OR2V2: variants seen among roughly 807,000 people sequenced by gnomAD.
OR2V2 encodes olfactory receptor family 2 subfamily V member 2.
For synonymous variants in OR2V2, 161 were observed against 151.3 expected (o/e 1.06, Z -0.47); for missense variants, 392 against 392.2 (o/e 1.00, Z 0.00).
chr5:181,148,947 A>G (rs1763160120), intron 1 of OR2V2, among the ~76,000 whole-genome samples: 2 of 152,206 alleles, frequency 1.3e-5, no homozygotes, highest in African/African-American at 4.8e-5. Flanking sequence ...GGAATCCCGC[A>G]GGGAGGCCAG....
intron 1 of OR2V2, among the ~76,000 whole-genome samples, chr5:181,149,458 C>G (rs540521207): frequency 7.9e-5 from 12 of 152,338 alleles, no homozygotes; most frequent in Non-Finnish European, 1.2e-4. Flanking sequence ...AACAGCCCCA[C>G]TGGCCATCTG....
intron 1 of OR2V2, among the ~76,000 whole-genome samples, chr5:181,151,844 G>T (rs1763194319): frequency 6.6e-6 from 1 of 151,938 alleles, no homozygotes; most frequent in Admixed American, 6.6e-5. Flanking sequence ...AATTAGCTAG[G>T]TGTGGTGGTG....
At chr5:181,152,000 A>AAT (rs1763197094) in intron 1 of OR2V2, among the ~76,000 whole-genome samples, 1 of 151,426 alleles carries the variant, frequency 6.6e-6, no homozygotes, top group Non-Finnish European at 1.5e-5. Flanking sequence ...AAAAAAAAAA[A>AAT]ATCAAAGGCT....
Position 181,155,594 on chromosome 5 carries a change from T to G in OR2V2, c.652T>G (p.Ser218Ala). 1 of 1,614,236 alleles carries G rather than the reference T, an allele frequency of 6.2e-7. No homozygotes were observed. The highest frequency in any genetic ancestry group is 1.1e-5 in the South Asian group (1 of 91,082). ...LLFPFSIIVA[S>A]YAHILGTVLQ... ...CTTCCCATTCTCCATCATCGTGGCC[T>G]CCTATGCTCACATTCTAGGGACTGT... The change falls in exon 2 of 2, where the codon TCC becomes GCC. Residue 218 changes from serine (S) to alanine (A), a missense_variant. Ser to Ala is a moderately conservative substitution (Grantham distance 99). Coordinates refer to ENST00000641492, the MANE Select transcript of OR2V2 (RefSeq NM_206880.2).
In OR2V2 at chr5:181,155,198, T is replaced by C; in HGVS notation, c.256T>C (p.Phe86Leu). 1 of 1,614,180 alleles carries C rather than the reference T, an allele frequency of 6.2e-7. No individual in the cohort carries two copies. Among genetic ancestry groups the C allele is most frequent in the Non-Finnish European group, 8.5e-7 (1 of 1,180,030 alleles). Residue 86 changes from phenylalanine to leucine, a missense_variant, in exon 2 of 2, where the codon TTC (phenylalanine) becomes CTC (leucine). Phe to Leu is a conservative substitution (Grantham distance 22). Coordinates refer to ENST00000641492, the MANE Select transcript of OR2V2 (RefSeq NM_206880.2). ...CTNVPKMAAN[F>L]LSGRKSISFV... ...CAATGTGCCAAAGATGGCAGCCAAC[T>C]TCCTGTCTGGCAGGAAGTCCATCTC...
chr5:181,156,545 G>A lies in OR2V2; in HGVS notation c.*655G>A, dbSNP rs913668570. The A allele has an allele frequency of 6.6e-6, 1 of 152,230 alleles. No homozygotes were observed. Among genetic ancestry groups the A allele is most frequent in the African/African-American group, 2.4e-5 (1 of 41,466 alleles). The allele number at this position is 152,230 out of a possible 1,614,324, so 9.4% of individuals were successfully genotyped here. On this transcript the variant is annotated 3_prime_UTR_variant, in exon 2 of 2. Coordinates refer to ENST00000641492, the MANE Select transcript of OR2V2 (RefSeq NM_206880.2). ...TGTGCAGAAATAAGACATTGGGATT[G>A]CTGTCACTCATTATTTAAAATTGGA...
rs757936251 is a variant in OR2V2 at position 181,156,835 on chromosome 5, C to T, written c.*945C>T. ...CCTCACACTGGAAACTTCATAAAGA[C>T]GTATTAAAAGCATACAAGTTGTCTT... On this transcript the variant is annotated 3_prime_UTR_variant, in exon 2 of 2. Transcript: ENST00000641492. The T allele has an allele frequency of 2.6e-5, 4 of 152,202 alleles. No individual in the cohort carries two copies. The highest frequency in any genetic ancestry group is 6.5e-5 in the Admixed American group (1 of 15,288). The allele number at this position is 152,202 out of a possible 1,614,324, so 9.4% of individuals were successfully genotyped here. A position where few individuals can be genotyped will look rare whatever the true frequency, so the allele number is the denominator to read the frequency against.
rs7380309 is a variant in OR2V2 at position 181,155,980 on chromosome 5, G to A, written c.*90G>A. 588,810 of 1,209,288 alleles carry A rather than the reference G, an allele frequency of 0.49. 145,203 individuals carry two copies. Among genetic ancestry groups the A allele is most frequent in the Admixed American group, 0.58 (21,734 of 37,536 alleles). The allele number at this position is 1,209,288 out of a possible 1,614,324, so 74.9% of individuals were successfully genotyped here. A position where few individuals can be genotyped will look rare whatever the true frequency, so the allele number is the denominator to read the frequency against. On this transcript the variant is annotated 3_prime_UTR_variant, in exon 2 of 2. Transcript: ENST00000641492. ...TCTCATTTTCAGTCTTGGTTTCCTC[G>A]TGAATTATGATGATTGTGACACCCT...
chr5:181,153,418 G>T (rs999306429), intron 1 of OR2V2, among the ~76,000 whole-genome samples: 5 of 152,144 alleles, frequency 3.3e-5, no homozygotes, highest in African/African-American at 1.2e-4. Flanking sequence ...AGGACATGGT[G>T]GCTCACACCT....
rs1348507944 is a variant in OR2V2 at position 181,147,935 on chromosome 5, C to G, written c.-85C>G. 2.5e-6 allele frequency: 1 copy of G among 397,822 alleles called. No homozygotes were observed. Among genetic ancestry groups the G allele is most frequent in the African/African-American group, 2.1e-5 (1 of 48,122 alleles). 24.6% of individuals were successfully genotyped at this position (397,822 alleles called of 1,614,324 possible). On this transcript the variant is annotated 5_prime_UTR_variant, in exon 1 of 2. Transcript: ENST00000641492. Reference sequence around the variant, plus strand: ...GGAGGATGAGTGCATGGCTCTGATGCTAGGAACTCCTCCACAGGTGACTCT... The same window carrying G: ...GGAGGATGAGTGCATGGCTCTGATGGTAGGAACTCCTCCACAGGTGACTCT...
At chr5:181,154,589 C>CAAA (rs57898232) in intron 1 of OR2V2, among the ~76,000 whole-genome samples, 2 of 114,994 alleles carry the variant, frequency 1.7e-5, no homozygotes, top group African/African-American at 6.1e-5. Flanking sequence ...GACTCCATCT[C>CAAA]AAAAAAAAAA....
rs113310814 is a variant in OR2V2 at position 181,150,809 on chromosome 5, G to A, written c.-25+2814G>A. On this transcript the variant is annotated intron_variant, in intron 1 of 1. Transcript: ENST00000641492. Reference sequence around the variant, plus strand: ...TGGGAAACATAAGGAGACCCCCATCGCCACAAAAAATTAAAAAATTAGCCG... The same window carrying A: ...TGGGAAACATAAGGAGACCCCCATCACCACAAAAAATTAAAAAATTAGCCG... Among the ~76,000 whole-genome samples the A allele has an allele frequency of 1.6e-4, 24 of 152,112 alleles. 1 individual carries two copies. Among genetic ancestry groups the A allele is most frequent in the South Asian group, 4.2e-4 (2 of 4,816 alleles).
At chr5:181,151,750 A>G (rs2892345) in intron 1 of OR2V2, among the ~76,000 whole-genome samples, 42,960 of 151,910 alleles carry the variant, frequency 0.28, 7,488 homozygotes, top group African/African-American at 0.5. Flanking sequence ...GGATCCCATG[A>G]CGGCTTTGGC....
At chr5:181,148,280 T>C (rs1763150425) in intron 1 of OR2V2, among the ~76,000 whole-genome samples, 1 of 152,136 alleles carries the variant, frequency 6.6e-6, no homozygotes, top group African/African-American at 2.4e-5. Flanking sequence ...GGTTGGAGAC[T>C]GGGCTCTAGG....
chr5:181,154,917 A>C lies in OR2V2; in HGVS notation c.-24-2A>C. On this transcript the variant is annotated splice_acceptor_variant, in intron 1 of 1. Transcript: ENST00000641492. LOFTEE classifies it low-confidence loss of function (5UTR_SPLICE). ...TGTAACACATCTTGTCCATATTCTC[A>C]GGTGACCAGGAGCAACAACCGAGCC... 6.7e-7 allele frequency: 1 copy of C among 1,484,608 alleles called. No individual in the cohort carries two copies. The highest frequency in any genetic ancestry group is 9.4e-7 in the Non-Finnish European group (1 of 1,062,724). 92.0% of individuals were successfully genotyped at this position (1,484,608 alleles called of 1,614,324 possible). A position where few individuals can be genotyped will look rare whatever the true frequency, so the allele number is the denominator to read the frequency against.
chr5:181,153,462 G>A (rs2770958), intron 1 of OR2V2, among the ~76,000 whole-genome samples: 13,655 of 152,122 alleles, frequency 0.09, 904 homozygotes, highest in African/African-American at 0.19. Flanking sequence ...CACGTCAGGC[G>A]GATCGCTTGG....
Position 181,156,050 on chromosome 5 carries a change from C to CTTTCTTTCTTTCTTTCTTTCTT in OR2V2, c.*163_*184dup, listed in dbSNP as rs1763261976. 1.9e-6 allele frequency: 1 copy of CTTTCTTTCTTTCTTTCTTTCTT among 528,814 alleles called. No homozygotes were observed. Among genetic ancestry groups the CTTTCTTTCTTTCTTTCTTTCTT allele is most frequent in the Admixed American group, 3.7e-5 (1 of 27,042 alleles). The allele number at this position is 528,814 out of a possible 1,614,324, so 32.8% of individuals were successfully genotyped here. The stretch of plus-strand genomic sequence containing the variant: ...TAAACACTACATCAGTTCTTTCTTT[C>CTTTCTTTCTTTCTTTCTTTCTT]TTTCTTTCTTTCTTTCTTTCTTTTG... On this transcript the variant is annotated 3_prime_UTR_variant, in exon 2 of 2. Coordinates refer to ENST00000641492, the MANE Select transcript of OR2V2 (RefSeq NM_206880.2).
rs1038163819 is a variant in OR2V2 at position 181,157,031 on chromosome 5, G to T, written c.*1141G>T. ...CTTCCCCTTCGGGGAATGAAGACTG[G>T]AGCATGGTGACAGAATTTCATCTGC... On this transcript the variant is annotated 3_prime_UTR_variant, in exon 2 of 2. Coordinates refer to ENST00000641492, the MANE Select transcript of OR2V2 (RefSeq NM_206880.2). 1 of 152,242 alleles carries T rather than the reference G, an allele frequency of 6.6e-6. No individual in the cohort carries two copies. Among genetic ancestry groups the T allele is most frequent in the African/African-American group, 2.4e-5 (1 of 41,462 alleles). The allele number at this position is 152,242 out of a possible 1,614,324, so 9.4% of individuals were successfully genotyped here. A position where few individuals can be genotyped will look rare whatever the true frequency, so the allele number is the denominator to read the frequency against.
At position 181,158,336 on chromosome 5, in the gene OR2V2, T is replaced by TGGGGG. The variant is rs11325218; in HGVS notation, c.*2452_*2456dup. On this transcript the variant is annotated 3_prime_UTR_variant, in exon 2 of 2. Coordinates refer to ENST00000641492, the MANE Select transcript of OR2V2 (RefSeq NM_206880.2). The stretch of plus-strand genomic sequence containing the variant: ...AAATAATATAGAGAGGAAATACATG[T>TGGGGG]GGGGGGGGGGCAGGTGCGGTGGCTC... 2.1e-5 allele frequency: 3 copies of TGGGGG among 146,058 alleles called. No homozygotes were observed. Among genetic ancestry groups the TGGGGG allele is most frequent in the African/African-American group, 7.7e-5 (3 of 39,034 alleles). 9.0% of individuals were successfully genotyped at this position (146,058 alleles called of 1,614,324 possible). A position where few individuals can be genotyped will look rare whatever the true frequency, so the allele number is the denominator to read the frequency against.
Sources: allele counts gnomAD v4.1 joint callset (sites outside exome capture counted in the v4.1 genomes callset), GRCh38; gene constraint gnomAD v4.1.1; transcripts MANE v1.5; gene names NCBI Gene and HGNC (gene_info 2026-07-23, HGNC 2026-07-21).